Variants in THAP8 observed in about 807,000 individuals in gnomAD.
The protein encoded by THAP8 is THAP domain containing 8.
In THAP8, 24 loss-of-function variants were observed where a neutral mutation model predicts 25.0. That is an observed-to-expected ratio of 0.96 (90% CI 0.69 to 1.35). The LOEUF is 1.35. Ranked by LOEUF, THAP8 falls within the 40% of genes most tolerant of loss-of-function variation. The pLI, the probability that THAP8 is intolerant of heterozygous loss-of-function variation, is 0.00. For missense variants in THAP8, 399 were observed against 368.8 expected, an observed-to-expected ratio of 1.08 and a Z score of -0.67; for synonymous variants, 169 against 157.6, an observed-to-expected ratio of 1.07 and a Z score of -0.54.
chr19:36,050,053 C>CAAAAAAA (rs1250976973), intron 1 of THAP8, among the ~76,000 whole-genome samples: 1 of 76,856 alleles, frequency 1.3e-5, no homozygotes, highest in Non-Finnish European at 2.8e-5. Context: ...GACCCTGTCT[C>CAAAAAAA]AAAAAAAAAA....
chr19:36,040,515 C>T (rs1442620424), intron 1 of THAP8, among the ~76,000 whole-genome samples: 2 of 152,058 alleles, frequency 1.3e-5, no homozygotes, highest in African/African-American at 4.8e-5. Context: ...TTAGTAGAGA[C>T]GAGGTTGCAC....
Position 36,054,121 on chromosome 19 carries a change from C to T in THAP8, c.83+14G>A, listed in dbSNP as rs369282368. 77 of 1,611,648 alleles carry T rather than the reference C, an allele frequency of 4.8e-5. 1 individual carries two copies. The highest frequency in any genetic ancestry group is 8.8e-5 in the South Asian group (8 of 90,542). On this transcript the variant is annotated intron_variant, in intron 1 of 3. Transcript: ENST00000292894. ...GTCCCGCCTCCCTCAAGCCCCGCCC[C>T]GCGCTGCGCTCACTTGTAGAAGCTC...
chr19:36,039,903 C>G, intron 2 of THAP8, 41 bp downstream of exon 2: 1 of 1,610,212 alleles, frequency 6.2e-7, no homozygotes, highest in Non-Finnish European at 8.5e-7. Flanking sequence ...GCAGGGAGGT[C>G]TGGGGGTTGG....
Position 36,040,142 on chromosome 19 carries a change from T to C in THAP8, c.84-6A>G. The stretch of plus-strand genomic sequence containing the variant: ...GACCATCCTTCAGTGGGAACCTGCA[T>C]GGGTGGTTGGGGGGCTGGGTCAGTG... On this transcript the variant is annotated splice_region_variant and splice_polypyrimidine_tract_variant and intron_variant, in intron 1 of 3. Transcript: ENST00000292894. 2 of 1,598,456 alleles carry C rather than the reference T, an allele frequency of 1.3e-6. No individual in the cohort carries two copies. The highest frequency in any genetic ancestry group is 1.7e-6 in the Non-Finnish European group (2 of 1,171,790).
At position 36,047,841 on chromosome 19, in the gene THAP8, G is replaced by A. The variant is rs113511463; in HGVS notation, c.83+6294C>T. Reference sequence around the variant, plus strand: ...TGAGACTTTCAAAAAAAAAAAAAAAGAAAGAAAAATAGTGATAGGACCCCT... The same window carrying A: ...TGAGACTTTCAAAAAAAAAAAAAAAAAAAGAAAAATAGTGATAGGACCCCT... On this transcript the variant is annotated intron_variant, in intron 1 of 3. Coordinates refer to ENST00000292894, the MANE Select transcript of THAP8 (RefSeq NM_152658.3). Among the ~76,000 whole-genome samples, 39 of 129,598 alleles carry A rather than the reference G, an allele frequency of 3.0e-4. 1 individual carries two copies. The highest frequency in any genetic ancestry group is 3.7e-3 in the Middle Eastern group (1 of 268). The allele number at this position is 129,598 out of a possible 152,430, so 85.0% of individuals were successfully genotyped here. A position where few individuals can be genotyped will look rare whatever the true frequency, so the allele number is the denominator to read the frequency against.
intron 1 of THAP8, among the ~76,000 whole-genome samples, chr19:36,042,915 C>T (rs753363123): frequency 6.6e-6 from 1 of 151,758 alleles, no homozygotes; most frequent in Non-Finnish European, 1.5e-5. Context: ...TACAGGCTCC[C>T]GCCACCATGC....
intron 1 of THAP8, among the ~76,000 whole-genome samples, chr19:36,042,922 A>G (rs372802152): frequency 5.3e-5 from 8 of 151,760 alleles, no homozygotes; most frequent in African/African-American, 1.7e-4. Context: ...TCCCGCCACC[A>G]TGCCCGGCTT....
intron 1 of THAP8, among the ~76,000 whole-genome samples, chr19:36,046,857 G>A (rs1969897379): frequency 6.6e-6 from 1 of 152,202 alleles, no homozygotes; most frequent in Admixed American, 6.5e-5. Flanking sequence ...CAGCTGGCTG[G>A]GGCGTGTGAC....
At chr19:36,054,052 G>GC in intron 1 of THAP8, 83 bp downstream of exon 1, 1 of 1,468,898 alleles carries the variant, frequency 6.8e-7, no homozygotes, top group South Asian at 1.2e-5. Flanking sequence ...AAGACCAGAA[G>GC]CCCCGCACAG....
intron 1 of THAP8, among the ~76,000 whole-genome samples, chr19:36,048,038 A>G (rs562220605): frequency 6.6e-6 from 1 of 152,298 alleles, no homozygotes; most frequent in South Asian, 2.1e-4. Context: ...TGCTCCAGCC[A>G]AAAGAATGCC....
At chr19:36,054,047 C>G (rs1426752813) in intron 1 of THAP8, 88 bp downstream of exon 1, 2 of 1,455,346 alleles carry the variant, frequency 1.4e-6, no homozygotes. Flanking sequence ...CAAGCAAGAC[C>G]AGAAGCCCCG....
intron 1 of THAP8, among the ~76,000 whole-genome samples, chr19:36,047,995 C>A (rs1379726846): frequency 6.6e-6 from 1 of 152,132 alleles, no homozygotes; most frequent in Non-Finnish European, 1.5e-5. Context: ...ATTACACATG[C>A]CCACTCCATT....
chr19:36,039,320 C>T lies in THAP8; in HGVS notation c.672+3G>A, dbSNP rs796927700. 6 of 1,473,014 alleles carry T rather than the reference C, an allele frequency of 4.1e-6. No individual in the cohort carries two copies. In the African/African-American group the frequency reaches 8.5e-5, roughly 21 times the overall value. The allele number at this position is 1,473,014 out of a possible 1,614,324, so 91.2% of individuals were successfully genotyped here. On this transcript the variant is annotated splice_donor_region_variant and intron_variant, in intron 3 of 3. Transcript: ENST00000292894. ...GGGGCTGCCAGGCTGGGGTGCCACT[C>T]ACCAGGCGCTGCAGACCCCGGCGTG...
At chr19:36,053,581 A>ATG (rs1253994379) in intron 1 of THAP8, among the ~76,000 whole-genome samples, 2 of 151,502 alleles carry the variant, frequency 1.3e-5, no homozygotes, top group Non-Finnish European at 2.9e-5. Flanking sequence ...AAGCAAAGAA[A>ATG]TGTTTTTTCC....
intron 1 of THAP8, among the ~76,000 whole-genome samples, chr19:36,040,494 T>C (rs568135956): frequency 6.6e-6 from 1 of 152,194 alleles, no homozygotes; most frequent in East Asian, 1.9e-4. Flanking sequence ...GCCCGGCTAA[T>C]TTTTGTATTT....
At chr19:36,037,082 G>A (rs544058007) in intron 3 of THAP8, among the ~76,000 whole-genome samples, 1 of 152,126 alleles carries the variant, frequency 6.6e-6, no homozygotes, top group East Asian at 1.9e-4. Flanking sequence ...GAAAGCCATG[G>A]GGGCTAAGCT....
intron 1 of THAP8, among the ~76,000 whole-genome samples, chr19:36,042,712 T>C (rs1040337640): frequency 2.0e-5 from 3 of 152,158 alleles, no homozygotes; most frequent in African/African-American, 2.4e-5. Flanking sequence ...AACAGATACA[T>C]GGATAAGAAA....
chr19:36,053,894 T>G (rs982182335), intron 1 of THAP8, among the ~76,000 whole-genome samples: 1 of 152,100 alleles, frequency 6.6e-6, no homozygotes, highest in African/African-American at 2.4e-5. Flanking sequence ...ACTTCTTACA[T>G]CCCTTTCACT....
Position 36,037,343 on chromosome 19 carries a change from T to TACACACACACAC in THAP8, c.673-1763_673-1752dup, listed in dbSNP as rs58349186. On this transcript the variant is annotated intron_variant, in intron 3 of 3. Coordinates refer to ENST00000292894, the MANE Select transcript of THAP8 (RefSeq NM_152658.3). ...AAACACCTTCCTCAAATTCCTCCCCTACACACACACACACACACACACACA... is the reference window on the plus strand; with the variant it reads ...AAACACCTTCCTCAAATTCCTCCCCTACACACACACACACACACACACACACACACACACACA... 3.4e-3 allele frequency among the ~76,000 whole-genome samples: 392 copies of TACACACACACAC among 114,792 alleles called. 3 individuals are homozygous for TACACACACACAC. The highest frequency in any genetic ancestry group is 9.9e-3 in the African/African-American group (299 of 30,272). The allele number at this position is 114,792 out of a possible 152,430, so 75.3% of individuals were successfully genotyped here.
Sources: gnomAD v4.1 joint callset for allele counts (sites outside exome capture counted in the v4.1 genomes callset) on GRCh38, gnomAD v4.1.1 for gene constraint, MANE v1.5 for transcripts, NCBI Gene and HGNC (gene_info 2026-07-23, HGNC 2026-07-21) for gene names.